The following LARP1 variants were observed in gnomAD, a reference collection of about 807,000 sequenced individuals.
LARP1 encodes the protein la-related protein 1.
In LARP1, 36 loss-of-function variants were observed where a neutral mutation model predicts 122.7. The observed-to-expected ratio is 0.29, with a 90% CI of 0.22 to 0.39. The LOEUF (loss-of-function observed/expected upper bound fraction) is 0.39. Ranked by LOEUF, LARP1 falls within the 10% of genes least tolerant of loss-of-function variation. LARP1 has a pLI of 1.00. For synonymous variants in LARP1, 539 were observed against 528.7 expected (o/e 1.02, Z -0.27); for missense variants, 1,040 against 1,403.6 (o/e 0.74, Z 4.14).
At chr5:154,760,203 T>C (rs1006957197) in intron 1 of LARP1, among the ~76,000 whole-genome samples, 1 of 151,958 alleles carries the variant, frequency 6.6e-6, no homozygotes, top group Non-Finnish European at 1.5e-5. Context: ...CTCCCAAAGT[T>C]TTGGGTTGGG....
intron 1 of LARP1, among the ~76,000 whole-genome samples, chr5:154,716,887 C>T (rs9324794): frequency 0.095 from 14,414 of 152,016 alleles, 815 homozygotes; most frequent in South Asian, 0.2. Context: ...TGGCAAACTC[C>T]GATCTCTACA....
At chr5:154,712,928 G>A in exon 1 of LARP1, 1 of 1,614,104 alleles carries the variant, frequency 6.2e-7, no homozygotes, top group Non-Finnish European at 8.5e-7. Flanking sequence ...GTCACTCCAT[G>A]CTTTGGAGGG....
chr5:154,803,277 A>G lies in LARP1; in HGVS notation c.2110-13A>G. 1 of 1,614,104 alleles carries G rather than the reference A, an allele frequency of 6.2e-7. No individual in the cohort carries two copies. The highest frequency in any genetic ancestry group is 8.5e-7 in the Non-Finnish European group (1 of 1,180,002). On this transcript the variant is annotated splice_polypyrimidine_tract_variant and intron_variant, in intron 11 of 18. Transcript: ENST00000518297. This position sits in a 1 kb window ranked among gnomAD's most constrained non-coding sequence, Gnocchi z 4.4. Reference sequence around the variant, plus strand: ...ACTTACATCTTTCCCCACTCATCTCATGACCTCTGCAGCAAGAAGTCGAGA... The same window carrying G: ...ACTTACATCTTTCCCCACTCATCTCGTGACCTCTGCAGCAAGAAGTCGAGA...
At chr5:154,730,314 G>A (rs200742750) in intron 1 of LARP1, among the ~76,000 whole-genome samples, 3 of 151,504 alleles carry the variant, frequency 2.0e-5, no homozygotes, top group Non-Finnish European at 4.4e-5. Context: ...TCAGCCTCCC[G>A]AGTAGCTGCG....
Position 154,803,712 on chromosome 5 carries a change from A to C in LARP1, c.2406A>C (p.Pro802=). The change falls in exon 13 of 19, where the codon CCA becomes CCC. Residue 802 remains proline (P), a synonymous_variant. Coordinates refer to ENST00000518297, the MANE Select transcript of LARP1 (RefSeq NM_033551.3). The surrounding 1 kb of genome is among the most constrained non-coding windows in gnomAD (Gnocchi z 4.4). Reference sequence around the variant, plus strand: ...CAAGCCAGACATCACGGTTTTACCCAGTGGTGAAAGAAGGACGGACACTGG... The same window carrying C: ...CAAGCCAGACATCACGGTTTTACCCCGTGGTGAAAGAAGGACGGACACTGG... The part of the protein sequence containing the change: ...KDSSQTSRFY[P]VVKEGRTLDA... The C allele has an allele frequency of 6.2e-7, 1 of 1,614,224 alleles. No individual in the cohort carries two copies.
At chr5:154,756,574 C>T in intron 1 of LARP1, 1 of 877,990 alleles carries the variant, frequency 1.1e-6, no homozygotes, top group African/African-American at 1.8e-5. Flanking sequence ...CTCTTCCCAC[C>T]CCGCCCGGCG....
chr5:154,808,666 G>T, intron 16 of LARP1, 63 bp downstream of exon 16: 1 of 1,528,880 alleles, frequency 6.5e-7, no homozygotes, highest in Non-Finnish European at 8.9e-7. Flanking sequence ...TCCCTAGTTG[G>T]TCTGCTTCCA....
intron 16 of LARP1, among the ~76,000 whole-genome samples, chr5:154,810,946 C>T (rs181272290): frequency 1.3e-5 from 2 of 152,192 alleles, no homozygotes; most frequent in African/African-American, 2.4e-5. Flanking sequence ...AGGTGTTTGT[C>T]GTAATTACTC....
chr5:154,762,331 C>G (rs1754527181), intron 1 of LARP1, among the ~76,000 whole-genome samples: 1 of 152,032 alleles, frequency 6.6e-6, no homozygotes, highest in African/African-American at 2.4e-5. Flanking sequence ...CATTCCAAAG[C>G]CAGATATTGG....
intron 1 of LARP1, among the ~76,000 whole-genome samples, chr5:154,719,744 C>T (rs1035986429): frequency 2.0e-5 from 3 of 151,822 alleles, no homozygotes; most frequent in East Asian, 3.9e-4. Context: ...TGCCTGTAAT[C>T]CCAGCTACAC....
At chr5:154,742,159 C>CT (rs1181369049) in intron 1 of LARP1, among the ~76,000 whole-genome samples, 3 of 152,186 alleles carry the variant, frequency 2.0e-5, no homozygotes, top group Non-Finnish European at 2.9e-5. Context: ...TGTGATCATC[C>CT]TTTTTTCCAT....
intron 1 of LARP1, among the ~76,000 whole-genome samples, chr5:154,713,972 A>AT (rs891983315): frequency 3.9e-5 from 6 of 152,202 alleles, no homozygotes; most frequent in African/African-American, 1.4e-4. Context: ...TATATGGTAG[A>AT]TACCGCTTGT....
chr5:154,759,948 TTTG>T (rs1319626809), intron 1 of LARP1, among the ~76,000 whole-genome samples: 5 of 110,242 alleles, frequency 4.5e-5, no homozygotes, highest in African/African-American at 1.3e-4. Flanking sequence ...TGTTTGTTTG[TTTG>T]TTTTTTTGGA....
At chr5:154,708,952 A>C (rs141321162), upstream of LARP1, among the ~76,000 whole-genome samples, 1 of 152,186 alleles carries the variant, frequency 6.6e-6, no homozygotes, top group Non-Finnish European at 1.5e-5. Context: ...GCATTTCTCT[A>C]TGGATAAAAC....
chr5:154,754,834 G>C (rs889916743), upstream of LARP1, among the ~76,000 whole-genome samples: 4 of 152,192 alleles, frequency 2.6e-5, no homozygotes, highest in African/African-American at 9.7e-5. Flanking sequence ...CAGGGGAGGG[G>C]GCGGCGTTGG....
chr5:154,755,738 C>G lies in LARP1; in HGVS notation c.-20C>G. The G allele has an allele frequency of 2.0e-6, 2 of 987,542 alleles. No individual in the cohort carries two copies. Among genetic ancestry groups the G allele is most frequent in the Non-Finnish European group, 2.4e-6 (2 of 830,432 alleles). 61.2% of individuals were successfully genotyped at this position (987,542 alleles called of 1,614,324 possible). ...GCAGCCTCGGGCGCGCCCGGCTTCT[C>G]CGGGGGGGCGGGCGCGCAGATGGCC... On this transcript the variant is annotated 5_prime_UTR_variant, in exon 1 of 19. Transcript: ENST00000518297.
At position 154,755,505 on chromosome 5, in the gene LARP1, A is replaced by C. The variant is rs1295055629; in HGVS notation, c.-253A>C. 2.1e-6 allele frequency: 2 copies of C among 958,648 alleles called. No individual in the cohort carries two copies. Among genetic ancestry groups the C allele is most frequent in the Non-Finnish European group, 2.5e-6 (2 of 808,516 alleles). 59.4% of individuals were successfully genotyped at this position (958,648 alleles called of 1,614,324 possible). A position where few individuals can be genotyped will look rare whatever the true frequency, so the allele number is the denominator to read the frequency against. On this transcript the variant is annotated 5_prime_UTR_variant, in exon 1 of 19. Transcript: ENST00000518297. Reference sequence around the variant, plus strand: ...TCTTGCGAGGAACGGGCGGGGGGGGACGCACGCCTAGGAGGCCTGGACTGC... The same window carrying C: ...TCTTGCGAGGAACGGGCGGGGGGGGCCGCACGCCTAGGAGGCCTGGACTGC...
chr5:154,803,248 G>GCTT lies in LARP1; in HGVS notation c.2110-41_2110-39dup. On this transcript the variant is annotated intron_variant, in intron 11 of 18. Transcript: ENST00000518297. The surrounding 1 kb of genome is among the most constrained non-coding windows in gnomAD (Gnocchi z 4.4). ...TTCCTTAAACAGGCTAGAGCAGCCT[G>GCTT]CTTACTTACATCTTTCCCCACTCAT... 2 of 1,613,874 alleles carry GCTT rather than the reference G, an allele frequency of 1.2e-6. No individual in the cohort carries two copies. Among genetic ancestry groups the GCTT allele is most frequent in the Non-Finnish European group, 1.7e-6 (2 of 1,179,802 alleles).
chr5:154,772,734 C>T (rs572313710), intron 1 of LARP1, among the ~76,000 whole-genome samples: 1 of 152,280 alleles, frequency 6.6e-6, no homozygotes. Flanking sequence ...GTTGCCCGGG[C>T]TGGAGTGCAA....
Sources: allele counts gnomAD v4.1 joint callset (sites outside exome capture counted in the v4.1 genomes callset), GRCh38; gene constraint gnomAD v4.1.1; non-coding constraint Gnocchi (gnomAD v3.1); transcripts MANE v1.5; gene names NCBI Gene and HGNC (gene_info 2026-07-23, HGNC 2026-07-21).